TMCO1: variants seen among roughly 807,000 people sequenced by gnomAD.
TMCO1 encodes calcium load-activated calcium channel.
TMCO1 carries 29 observed loss-of-function variants against 29.3 expected under a neutral mutation model. The ratio of observed to expected loss-of-function variants is 0.99; its 90% confidence interval spans 0.74 to 1.35. The LOEUF (loss-of-function observed/expected upper bound fraction) is 1.35. TMCO1 is among the 40% of genes most tolerant of loss of function. The pLI is 0.00. For synonymous variants in TMCO1, 80 were observed against 77.1 expected (o/e 1.04, Z -0.20); for missense variants, 173 against 225.5 (o/e 0.77, Z 1.49).
intron 6 of TMCO1, among the ~76,000 whole-genome samples, chr1:165,730,532 GA>G (rs113015691): frequency 0.013 from 2,008 of 152,164 alleles, 52 homozygotes; most frequent in African/African-American, 0.047. Context: ...AATGAGTGAA[GA>G]AAAAAATCAA....
Position 165,727,241 on chromosome 1 carries a change from T to A in TMCO1, c.*782A>T. The A allele has an allele frequency of 2.2e-6, 1 of 453,572 alleles. No individual in the cohort carries two copies. The highest frequency in any genetic ancestry group is 4.4e-6 in the Non-Finnish European group (1 of 226,674). The allele number at this position is 453,572 out of a possible 1,614,324, so 28.1% of individuals were successfully genotyped here. On this transcript the variant is annotated 3_prime_UTR_variant, in exon 7 of 7. Coordinates refer to ENST00000367881, the MANE Select transcript of TMCO1 (RefSeq NM_019026.6). ...CCCACAAGAATCTGAGAGACTGTAA[T>A]AGGATATGAAGAGAACAGCTGAGGA...
At chr1:165,725,666 T>C (rs190207059), downstream of TMCO1, 31 of 454,094 alleles carry the variant, frequency 6.8e-5, no homozygotes, top group Admixed American at 6.6e-4. Context: ...GATCTGGTGA[T>C]GCTGTGGACC....
chr1:165,751,104 A>C (rs1220401977), intron 5 of TMCO1, among the ~76,000 whole-genome samples: 1 of 152,160 alleles, frequency 6.6e-6, no homozygotes, highest in African/African-American at 2.4e-5. Context: ...AATTACTATC[A>C]TCGTTGGATA....
chr1:165,738,039 G>A (rs17452377), intron 6 of TMCO1, among the ~76,000 whole-genome samples: 10,716 of 152,136 alleles, frequency 0.07, 491 homozygotes, highest in Non-Finnish European at 0.1. Context: ...GCTGCCAGGC[G>A]TTCAGCACTT....
chr1:165,744,790 CAA>C (rs558392976), intron 5 of TMCO1, among the ~76,000 whole-genome samples: 26,351 of 103,998 alleles, frequency 0.25, 2,486 homozygotes, highest in South Asian at 0.35. Flanking sequence ...AACTCCATCT[CAA>C]AAAAAAAAAA....
chr1:165,768,877 G>A (rs746171712), upstream of TMCO1: 1 of 1,557,314 alleles, frequency 6.4e-7, no homozygotes, highest in Non-Finnish European at 8.7e-7. Context: ...CTGACAGCCC[G>A]AAGATCGCAC....
In TMCO1 at chr1:165,750,102, TA is replaced by T. The variant is rs1651941377; in HGVS notation, c.323+1999del. On this transcript the variant is annotated intron_variant, in intron 5 of 6. Coordinates refer to ENST00000367881, the MANE Select transcript of TMCO1 (RefSeq NM_019026.6). Reference sequence around the variant, plus strand: ...TACTGATGGCAATAATCTAAAGATATAAATTAATAAAATCTAAGGAACAATA... The same window carrying T: ...TACTGATGGCAATAATCTAAAGATATAATTAATAAAATCTAAGGAACAATA... Among the ~76,000 whole-genome samples the T allele has an allele frequency of 6.5e-5, 3 of 45,906 alleles. No individual in the cohort carries two copies. The South Asian group carries it at 3.9e-3, about 59-fold the overall frequency. The allele number at this position is 45,906 out of a possible 152,430, so 30.1% of individuals were successfully genotyped here.
chr1:165,727,421 A>G lies in TMCO1; in HGVS notation c.*602T>C, dbSNP rs752374783. 2.2e-6 allele frequency: 1 copy of G among 454,084 alleles called. No homozygotes were observed. The highest frequency in any genetic ancestry group is 4.4e-6 in the Non-Finnish European group (1 of 226,790). The allele number at this position is 454,084 out of a possible 1,614,324, so 28.1% of individuals were successfully genotyped here. ...CAAGACAACTCTGTATTTTGAGTAT[A>G]TGAGTCAAGTATGGCAAAAAGTACA... On this transcript the variant is annotated 3_prime_UTR_variant, in exon 7 of 7. Transcript: ENST00000367881.
intron 3 of TMCO1, among the ~76,000 whole-genome samples, chr1:165,757,699 T>C (rs981893835): frequency 6.6e-6 from 1 of 152,230 alleles, no homozygotes; most frequent in Non-Finnish European, 1.5e-5. Context: ...GGTTTCGCCA[T>C]GTTGGTCAGG....
intron 5 of TMCO1, among the ~76,000 whole-genome samples, chr1:165,749,012 C>T (rs73022551): frequency 0.013 from 2,024 of 152,248 alleles, 54 homozygotes; most frequent in African/African-American, 0.047. Flanking sequence ...CATGGCTTAC[C>T]AGCTCACTTC....
In TMCO1 at chr1:165,754,148, G is replaced by A. The variant is rs1571226130; in HGVS notation, c.255+80C>T. ...AGGTGATAAATTTCTGAAAAGGTGA[G>A]TGCAATGCACTTGATGTAAATCAGT... On this transcript the variant is annotated intron_variant, in intron 4 of 6. Coordinates refer to ENST00000367881, the MANE Select transcript of TMCO1 (RefSeq NM_019026.6). The A allele has an allele frequency of 1.6e-5, 19 of 1,196,242 alleles. No homozygotes were observed. The East Asian group carries it at 4.4e-4, about 28-fold the overall frequency. The allele number at this position is 1,196,242 out of a possible 1,614,324, so 74.1% of individuals were successfully genotyped here. A position where few individuals can be genotyped will look rare whatever the true frequency, so the allele number is the denominator to read the frequency against.
chr1:165,750,605 A>G (rs1171277792), intron 5 of TMCO1, among the ~76,000 whole-genome samples: 1 of 152,168 alleles, frequency 6.6e-6, no homozygotes, highest in Non-Finnish European at 1.5e-5. Flanking sequence ...AGACATTTCA[A>G]AAAAGAGTAA....
chr1:165,733,462 G>A (rs973434967), intron 6 of TMCO1, among the ~76,000 whole-genome samples: 5 of 151,850 alleles, frequency 3.3e-5, no homozygotes, highest in Admixed American at 6.6e-5. Flanking sequence ...GGTGAAACCC[G>A]TCTCCACATG....
rs144214725 is a variant in TMCO1, at chr1:165,750,753, T to C, written c.323+1349A>G. On this transcript the variant is annotated intron_variant, in intron 5 of 6. Transcript: ENST00000367881. ...TCAGCCTGGGCAACACAGTGACACCTTGTCTGTACAAAAAACTTTTTAAAA... is the reference window on the plus strand; with the variant it reads ...TCAGCCTGGGCAACACAGTGACACCCTGTCTGTACAAAAAACTTTTTAAAA... 7.4e-4 allele frequency among the ~76,000 whole-genome samples: 112 copies of C among 152,124 alleles called. 1 individual carries two copies. The highest frequency in any genetic ancestry group is 2.6e-3 in the African/African-American group (108 of 41,496).
At chr1:165,737,250 T>C (rs1164622676) in intron 6 of TMCO1, among the ~76,000 whole-genome samples, 3 of 152,028 alleles carry the variant, frequency 2.0e-5, no homozygotes, top group African/African-American at 4.8e-5. Flanking sequence ...TCAAAAATCA[T>C]TGGGTAGGCT....
intron 3 of TMCO1, among the ~76,000 whole-genome samples, chr1:165,755,144 T>C (rs1001438968): frequency 6.6e-5 from 10 of 152,198 alleles, no homozygotes; most frequent in African/African-American, 2.4e-4. Context: ...TGATTTCTTT[T>C]CCAAGGTGAC....
At position 165,752,291 on chromosome 1, in the gene TMCO1, G is replaced by C. The variant is rs1210045500; in HGVS notation, c.256-122C>G. 4.2e-6 allele frequency: 3 copies of C among 713,138 alleles called. No individual in the cohort carries two copies. In the South Asian group the frequency reaches 4.8e-5, roughly 12 times the overall value. 44.2% of individuals were successfully genotyped at this position (713,138 alleles called of 1,614,324 possible). A position where few individuals can be genotyped will look rare whatever the true frequency, so the allele number is the denominator to read the frequency against. On this transcript the variant is annotated intron_variant, in intron 4 of 6. Coordinates refer to ENST00000367881, the MANE Select transcript of TMCO1 (RefSeq NM_019026.6). ...TTTTTTTGAGGCAGAGTCTTGCTCTGTCTCCCAGGCTGGAGTACAGTGGCG... is the reference window on the plus strand; with the variant it reads ...TTTTTTTGAGGCAGAGTCTTGCTCTCTCTCCCAGGCTGGAGTACAGTGGCG...
In TMCO1 at chr1:165,728,135, A is replaced by C. The variant is rs754021967; in HGVS notation, c.469-14T>G. The C allele has an allele frequency of 1.9e-6, 3 of 1,600,558 alleles. No homozygotes were observed. In the South Asian group the frequency reaches 3.3e-5, roughly 18 times the overall value. On this transcript the variant is annotated splice_polypyrimidine_tract_variant and intron_variant, in intron 6 of 6. Transcript: ENST00000367881. ...CTTCTGAATGTTCTGTGAAGAAAGC[A>C]CAGTAAGGATTGGGTTTTAATATCA...
intron 6 of TMCO1, among the ~76,000 whole-genome samples, chr1:165,731,242 T>C (rs79010243): frequency 0.013 from 2,013 of 152,210 alleles, 52 homozygotes; most frequent in African/African-American, 0.047. Context: ...AGCTCACCTC[T>C]AAAAAACCCA....
Sources: gnomAD v4.1 joint callset for allele counts (sites outside exome capture counted in the v4.1 genomes callset) on GRCh38, gnomAD v4.1.1 for gene constraint, MANE v1.5 for transcripts, NCBI Gene and HGNC (gene_info 2026-07-23, HGNC 2026-07-21) for gene names.